CELA2A: variants seen among roughly 807,000 people sequenced by gnomAD.
CELA2A encodes the protein chymotrypsin-like elastase family member 2A.
Under a neutral mutation model 35.3 loss-of-function variants are expected in CELA2A, and 31 were observed. That is an observed-to-expected ratio of 0.88 (90% CI 0.66 to 1.19). The LOEUF (loss-of-function observed/expected upper bound fraction) is 1.19. Ranked by LOEUF, CELA2A falls within the 50% of genes most tolerant of loss-of-function variation. The pLI, the probability that CELA2A is intolerant of heterozygous loss-of-function variation, is 0.00. For synonymous variants in CELA2A, 150 were observed against 149.8 expected, an observed-to-expected ratio of 1.00 and a Z score of -0.01; for missense variants, 330 against 352.9, an observed-to-expected ratio of 0.94 and a Z score of 0.52.
chr1:15,468,091 T>TAAAAA (rs35520894), intron 7 of CELA2A, among the ~76,000 whole-genome samples: 2 of 86,426 alleles, frequency 2.3e-5, no homozygotes, highest in East Asian at 3.3e-4. Flanking sequence ...AAACTCCATC[T>TAAAAA]AAAAAAAAAA....
chr1:15,463,197 A>T (rs1708463808), intron 4 of CELA2A, among the ~76,000 whole-genome samples, 189 bp from the exon 5 acceptor site: 1 of 152,172 alleles, frequency 6.6e-6, no homozygotes, highest in South Asian at 2.1e-4. Flanking sequence ...GGAGTAGGAC[A>T]CAATCTCTCC....
intron 7 of CELA2A, among the ~76,000 whole-genome samples, chr1:15,469,955 T>C (rs1195696289): frequency 3.9e-5 from 6 of 152,124 alleles, no homozygotes; most frequent in African/African-American, 7.2e-5. Context: ...AATTTTTTTT[T>C]CCCAGCATCA....
At chr1:15,458,999 T>A (rs541581717) in intron 2 of CELA2A, among the ~76,000 whole-genome samples, 1 of 148,208 alleles carries the variant, frequency 6.7e-6, no homozygotes, top group Non-Finnish European at 1.5e-5. Flanking sequence ...TCACATTTTT[T>A]TCTTTTTTTG....
At chr1:15,467,660 T>G (rs992397825) in intron 7 of CELA2A, 122 bp downstream of exon 7, 1 of 1,275,182 alleles carries the variant, frequency 7.8e-7, no homozygotes, top group Non-Finnish European at 1.1e-6. Flanking sequence ...TGGGAACCCC[T>G]TGGAGGAGGC....
intron 5 of CELA2A, among the ~76,000 whole-genome samples, chr1:15,463,919 G>T (rs897656365): frequency 7.9e-5 from 12 of 151,926 alleles, no homozygotes; most frequent in African/African-American, 2.9e-4. Flanking sequence ...GGATGTGGCA[G>T]TGTGCACCTG....
rs201775179 is a variant in CELA2A at position 15,463,503 on chromosome 1, G to A, written c.474G>A (p.Thr158=). Residue 158 remains threonine, a synonymous_variant, in exon 5 of 8, where the codon ACG becomes ACA. Transcript: ENST00000359621. ...ILPNNYPCYV[T]GWGRLQTNGA... Reference sequence around the variant, plus strand: ...CCAACAACTACCCCTGCTACGTCACGGGCTGGGGAAGGCTGCAGAGTAAGT... The same window carrying A: ...CCAACAACTACCCCTGCTACGTCACAGGCTGGGGAAGGCTGCAGAGTAAGT... 480 of 1,613,734 alleles carry A rather than the reference G, an allele frequency of 3.0e-4. 1 individual carries two copies. Among genetic ancestry groups the A allele is most frequent in the Non-Finnish European group, 3.5e-4 (417 of 1,179,858 alleles).
chr1:15,457,338 G>C, intron 2 of CELA2A, 164 bp downstream of exon 2: 1 of 677,078 alleles, frequency 1.5e-6, no homozygotes, highest in Non-Finnish European at 2.6e-6. Flanking sequence ...CCGGCTGGGC[G>C]CAGTGGCTCA....
At chr1:15,461,402 C>T (rs1344436574) in intron 2 of CELA2A, among the ~76,000 whole-genome samples, 159 bp from the exon 3 acceptor site, 1 of 152,170 alleles carries the variant, frequency 6.6e-6, no homozygotes, top group African/African-American at 2.4e-5. Flanking sequence ...CGTTTTTTAT[C>T]TTGATGGCTG....
chr1:15,471,478 G>A (rs1708593385), intron 7 of CELA2A, among the ~76,000 whole-genome samples: 1 of 152,068 alleles, frequency 6.6e-6, no homozygotes, highest in South Asian at 2.1e-4. Flanking sequence ...AACCTGCATA[G>A]TGGAGGTTGC....
intron 7 of CELA2A, among the ~76,000 whole-genome samples, chr1:15,470,079 C>A (rs936268022): frequency 1.3e-5 from 2 of 152,182 alleles, no homozygotes; most frequent in African/African-American, 4.8e-5. Context: ...TGGGCAGAGG[C>A]CCTGTGTTCA....
chr1:15,465,886 C>A, intron 5 of CELA2A, 113 bp from the exon 6 acceptor site: 1 of 1,266,082 alleles, frequency 7.9e-7, no homozygotes, highest in Non-Finnish European at 1.1e-6. Flanking sequence ...CGTGGCTGTT[C>A]GCATGTTGCA....
rs3181471 is a variant in CELA2A at position 15,463,518 on chromosome 1, G to A, written c.489G>A (p.Leu163=). 0.071 allele frequency: 114,684 copies of A among 1,613,460 alleles called. 4,651 individuals are homozygous for A. The highest frequency in any genetic ancestry group is 0.13 in the African/African-American group (9,732 of 75,008). The change falls in exon 5 of 8, where the codon CTG becomes CTA. Residue 163 remains leucine, a synonymous_variant. Coordinates refer to ENST00000359621, the MANE Select transcript of CELA2A (RefSeq NM_033440.3). ...YPCYVTGWGR[L]QTNGAVPDVL... ...GCTACGTCACGGGCTGGGGAAGGCT[G>A]CAGAGTAAGTGGGAGCCAGGAGCCC...
At chr1:15,466,786 T>C (rs1708523690) in intron 6 of CELA2A, among the ~76,000 whole-genome samples, 1 of 152,152 alleles carries the variant, frequency 6.6e-6, no homozygotes, top group South Asian at 2.1e-4. Context: ...GGTTTTTCTG[T>C]TGAATTAGTC....
At chr1:15,465,642 C>A (rs185978080) in intron 5 of CELA2A, among the ~76,000 whole-genome samples, 1 of 152,340 alleles carries the variant, frequency 6.6e-6, no homozygotes, top group Non-Finnish European at 1.5e-5. Flanking sequence ...GGCTGGAAAC[C>A]TGTAAGAAAC....
At chr1:15,470,003 G>A (rs1708569055) in intron 7 of CELA2A, among the ~76,000 whole-genome samples, 1 of 152,186 alleles carries the variant, frequency 6.6e-6, no homozygotes, top group Non-Finnish European at 1.5e-5. Flanking sequence ...AACAGAACAG[G>A]CCAGATCCCG....
At chr1:15,461,410 C>A in intron 2 of CELA2A, 151 bp from the exon 3 acceptor site, 3 of 710,710 alleles carry the variant, frequency 4.2e-6, no homozygotes, top group Non-Finnish European at 7.1e-6. Context: ...ATCTTGATGG[C>A]TGAGGTTTTG....
In CELA2A at chr1:15,467,494, T is replaced by TC. The variant is rs1442675762; in HGVS notation, c.750dup (p.Val251ArgfsTer19). The TC allele has an allele frequency of 6.2e-7, 1 of 1,614,168 alleles. No individual in the cohort carries two copies. The highest frequency in any genetic ancestry group is 1.1e-5 in the South Asian group (1 of 91,086). On this transcript the variant is annotated frameshift_variant, in exon 7 of 8. Transcript: ENST00000359621. LOFTEE classifies it high-confidence loss of function. Reference sequence around the variant, plus strand: ...CGGCTGCAACTACTACCACAAGCCCTCCGTCTTCACGCGGGTCTCCAATTA... The same window carrying TC: ...CGGCTGCAACTACTACCACAAGCCCTCCCGTCTTCACGCGGGTCTCCAATTA...
intron 1 of CELA2A, 27 bp from the exon 2 acceptor site, chr1:15,457,059 G>A (rs1708369996): frequency 6.4e-7 from 1 of 1,559,390 alleles, no homozygotes; most frequent in Non-Finnish European, 8.7e-7. Flanking sequence ...GCTGCTTCCT[G>A]ACTCAAGACC....
chr1:15,463,114 G>A (rs144479223), intron 4 of CELA2A: 312 of 715,510 alleles, frequency 4.4e-4, no homozygotes, highest in African/African-American at 3.0e-3. Context: ...GCCCCTGTCC[G>A]CTGAGCATGT....
Sources: gnomAD v4.1 joint callset for allele counts (sites outside exome capture counted in the v4.1 genomes callset) on GRCh38, gnomAD v4.1.1 for gene constraint, MANE v1.5 for transcripts, NCBI Gene and HGNC (gene_info 2026-07-23, HGNC 2026-07-21) for gene names.